SPOCK1: variants seen among roughly 807,000 people sequenced by gnomAD.
The protein encoded by SPOCK1 is SPARC (osteonectin), cwcv and kazal like domains proteoglycan 1.
SPOCK1 carries 23 observed loss-of-function variants against 55.3 expected under a neutral mutation model. The observed-to-expected ratio is 0.42, with a 90% CI of 0.30 to 0.59. SPOCK1 has a LOEUF of 0.59. SPOCK1 is among the 20% of genes least tolerant of loss of function. The pLI is 0.22. For synonymous variants in SPOCK1, 226 were observed against 221.0 expected, an observed-to-expected ratio of 1.02 and a Z score of -0.20; for missense variants, 499 against 552.5, an observed-to-expected ratio of 0.90 and a Z score of 0.97.
rs78708608 is a variant in SPOCK1 at position 137,490,919 on chromosome 5, C to T, written c.186+7454G>A. Among the ~76,000 whole-genome samples the T allele has an allele frequency of 9.7e-4, 147 of 152,184 alleles. 1 individual carries two copies. The East Asian group carries it at 0.024, about 25-fold the overall frequency. ...AGGCTCATGATCATGGAACTGACTC[C>T]CCCAACATGTTTCTAAGAGACAGAA... On this transcript the variant is annotated intron_variant, in intron 2 of 10. Transcript: ENST00000394945.
intron 3 of SPOCK1, among the ~76,000 whole-genome samples, chr5:137,204,496 T>C (rs889285462): frequency 4.6e-5 from 7 of 151,826 alleles, no homozygotes; most frequent in Admixed American, 4.6e-4. Flanking sequence ...ATAGTAAAGG[T>C]AGAAATCTAA....
At chr5:137,346,462 CAG>C (rs1250588598) in intron 2 of SPOCK1, among the ~76,000 whole-genome samples, 3 of 152,200 alleles carry the variant, frequency 2.0e-5, no homozygotes, top group African/African-American at 7.2e-5. Context: ...GAAGTCAGAA[CAG>C]GGAGGAGAAA....
chr5:137,077,854 A>G (rs1277122686), intron 5 of SPOCK1, among the ~76,000 whole-genome samples: 1 of 152,184 alleles, frequency 6.6e-6, no homozygotes, highest in Non-Finnish European at 1.5e-5. Context: ...GGCCACATAT[A>G]AGCTGTACCT....
At chr5:137,322,973 A>G (rs1004879007) in intron 2 of SPOCK1, among the ~76,000 whole-genome samples, 5 of 152,168 alleles carry the variant, frequency 3.3e-5, no homozygotes, top group Non-Finnish European at 7.3e-5. Flanking sequence ...AGCAAGAGAG[A>G]GAGAGTAAAA....
At chr5:137,169,539 G>C (rs535049516) in intron 3 of SPOCK1, among the ~76,000 whole-genome samples, 11 of 152,058 alleles carry the variant, frequency 7.2e-5, no homozygotes, top group African/African-American at 2.2e-4. Context: ...ACACCCACTG[G>C]ATCTAGATGC....
At chr5:137,422,620 T>C (rs1024506196) in intron 2 of SPOCK1, among the ~76,000 whole-genome samples, 2 of 152,268 alleles carry the variant, frequency 1.3e-5, no homozygotes, top group Non-Finnish European at 1.5e-5. Context: ...TCCCATGCCT[T>C]GGTTTTCAGC....
At chr5:137,057,693 G>C (rs1017071438) in intron 6 of SPOCK1, among the ~76,000 whole-genome samples, 7 of 152,168 alleles carry the variant, frequency 4.6e-5, no homozygotes, top group Admixed American at 2.6e-4. Flanking sequence ...ACACCACTTG[G>C]ATCTAGGAAA....
chr5:137,222,305 T>G (rs1032416147), intron 3 of SPOCK1, among the ~76,000 whole-genome samples: 1 of 152,130 alleles, frequency 6.6e-6, no homozygotes, highest in East Asian at 1.9e-4. Flanking sequence ...CCAAGCAAAA[T>G]ACTCTCAGGG....
At chr5:137,377,785 C>T (rs1029861968) in intron 2 of SPOCK1, among the ~76,000 whole-genome samples, 6 of 152,054 alleles carry the variant, frequency 3.9e-5, no homozygotes, top group African/African-American at 9.7e-5. Context: ...ACATTCTCTA[C>T]AATGGACAGG....
intron 2 of SPOCK1, among the ~76,000 whole-genome samples, chr5:137,285,221 C>G (rs1241752455): frequency 6.6e-6 from 1 of 152,202 alleles, no homozygotes; most frequent in Non-Finnish European, 1.5e-5. Context: ...TGTCTTCCTG[C>G]TGGTCCTTGC....
chr5:137,195,213 T>C (rs1659826160), intron 3 of SPOCK1, among the ~76,000 whole-genome samples: 1 of 152,206 alleles, frequency 6.6e-6, no homozygotes, highest in Admixed American at 6.5e-5. Flanking sequence ...ATAGCCAACA[T>C]ATGTAGACAG....
chr5:137,309,123 G>T (rs975360681), intron 2 of SPOCK1, among the ~76,000 whole-genome samples: 21 of 152,118 alleles, frequency 1.4e-4, no homozygotes, highest in Non-Finnish European at 2.6e-4. Flanking sequence ...TGCATTTTGG[G>T]GAAAAAGTCA....
rs1199630640 is a variant in SPOCK1, at chr5:137,120,385, C to A, written c.348-7824G>T. On this transcript the variant is annotated intron_variant, in intron 4 of 10. Coordinates refer to ENST00000394945, the MANE Select transcript of SPOCK1 (RefSeq NM_004598.4). ...GAAGGATATGTGTCTGGTATGCATG[C>A]AATTCCAAAAGCATGAACATCTCTC... Among the ~76,000 whole-genome samples the A allele has an allele frequency of 2.0e-5, 3 of 152,204 alleles. No individual in the cohort carries two copies. The South Asian group carries it at 6.2e-4, about 31-fold the overall frequency.
At chr5:137,254,669 G>T (rs1487701083) in intron 3 of SPOCK1, among the ~76,000 whole-genome samples, 1 of 152,222 alleles carries the variant, frequency 6.6e-6, no homozygotes, top group Non-Finnish European at 1.5e-5. Context: ...ACATAACACT[G>T]CCCTTGGCTC....
At chr5:137,356,317 A>G (rs970647386) in intron 2 of SPOCK1, among the ~76,000 whole-genome samples, 1 of 152,210 alleles carries the variant, frequency 6.6e-6, no homozygotes. Context: ...ATAATGCATA[A>G]GAGATCTTGG....
At chr5:137,284,597 C>T (rs971066766) in intron 2 of SPOCK1, among the ~76,000 whole-genome samples, 3 of 152,180 alleles carry the variant, frequency 2.0e-5, no homozygotes, top group African/African-American at 7.2e-5. Context: ...AGGAGAAAGC[C>T]AGTCCATGGG....
chr5:137,139,203 G>A (rs1222249366), intron 4 of SPOCK1, among the ~76,000 whole-genome samples: 2 of 152,142 alleles, frequency 1.3e-5, no homozygotes, highest in African/African-American at 4.8e-5. Context: ...GACAAAGTCT[G>A]ATTATTTTAA....
intron 8 of SPOCK1, among the ~76,000 whole-genome samples, chr5:136,987,949 A>G (rs895998785): frequency 6.6e-6 from 1 of 152,072 alleles, no homozygotes; most frequent in Non-Finnish European, 1.5e-5. Context: ...TCTTTTTTTC[A>G]TTAGCTGGAG....
At chr5:137,001,803 CT>C (rs1440258007) in intron 6 of SPOCK1, among the ~76,000 whole-genome samples, 5 of 152,262 alleles carry the variant, frequency 3.3e-5, no homozygotes, top group Non-Finnish European at 5.9e-5. Context: ...CCTTGAGAGG[CT>C]AATAGATAAT....
Sources: gnomAD v4.1 joint callset for allele counts (sites outside exome capture counted in the v4.1 genomes callset) on GRCh38, gnomAD v4.1.1 for gene constraint, MANE v1.5 for transcripts, NCBI Gene and HGNC (gene_info 2026-07-23, HGNC 2026-07-21) for gene names.